The following PTP4A1 variants were observed in gnomAD, a reference collection of about 807,000 sequenced individuals.
PTP4A1 encodes protein tyrosine phosphatase type IVA 1.
In PTP4A1, 9 loss-of-function variants were observed where a neutral mutation model predicts 20.5. That is an observed-to-expected ratio of 0.44 (90% CI 0.26 to 0.77). The LOEUF (loss-of-function observed/expected upper bound fraction) is 0.77. Among genes scored for constraint, PTP4A1 ranks in the 30% least tolerant of loss-of-function variants. The pLI, the probability that PTP4A1 is intolerant of heterozygous loss-of-function variation, is 0.19. For synonymous variants in PTP4A1, 78 were observed against 67.4 expected (o/e 1.16, Z -0.77); for missense variants, 137 against 218.8 (o/e 0.63, Z 2.36).
intron 1 of PTP4A1, among the ~76,000 whole-genome samples, chr6:63,574,452 C>T (rs1257206128): frequency 6.6e-6 from 1 of 152,068 alleles, no homozygotes; most frequent in Non-Finnish European, 1.5e-5. Context: ...AGAAATCTAT[C>T]GGTGGCCACC....
At chr6:63,573,050 G>A (rs145384122) in intron 1 of PTP4A1, among the ~76,000 whole-genome samples, 9 of 152,202 alleles carry the variant, frequency 5.9e-5, no homozygotes, top group African/African-American at 2.2e-4. Flanking sequence ...CTTCCGCAGC[G>A]GGCCGGGTGG....
intron 5 of PTP4A1, among the ~76,000 whole-genome samples, chr6:63,579,682 C>T (rs1358266816): frequency 6.6e-6 from 1 of 152,178 alleles, no homozygotes; most frequent in Admixed American, 6.5e-5. Context: ...AATTAACCAT[C>T]CAATACAACA....
intron 3 of PTP4A1, chr6:63,550,594 T>C (rs1776393721): frequency 6.6e-6 from 1 of 152,288 alleles, no homozygotes; most frequent in Admixed American, 6.6e-5. Context: ...TTTTAACATT[T>C]CTATAGTGAT....
intron 2 of PTP4A1, among the ~76,000 whole-genome samples, chr6:63,532,736 A>G (rs1775524687): frequency 6.6e-6 from 1 of 152,198 alleles, no homozygotes; most frequent in African/African-American, 2.4e-5. Context: ...TTTTATTGTT[A>G]CAAATTTTCC....
chr6:63,531,243 A>G (rs1305892280), intron 2 of PTP4A1, among the ~76,000 whole-genome samples: 1 of 152,132 alleles, frequency 6.6e-6, no homozygotes, highest in Admixed American at 6.5e-5. Context: ...CTCTAAACTA[A>G]TCACAGACTA....
chr6:63,532,449 G>A (rs1775513487), intron 2 of PTP4A1, among the ~76,000 whole-genome samples: 1 of 152,084 alleles, frequency 6.6e-6, no homozygotes, highest in Admixed American at 6.6e-5. Flanking sequence ...TACATCCTAT[G>A]TATGGGTCAG....
chr6:63,534,730 C>T (rs565616787), intron 2 of PTP4A1, among the ~76,000 whole-genome samples: 4 of 141,510 alleles, frequency 2.8e-5, no homozygotes, highest in Non-Finnish European at 6.2e-5. Flanking sequence ...GGTGGATCAC[C>T]TGAGGTCAGG....
At position 63,576,967 on chromosome 6, in the gene PTP4A1, C is replaced by G. The variant is rs778059234; in HGVS notation, c.87C>G (p.Thr29=). The G allele has an allele frequency of 6.2e-7, 1 of 1,612,260 alleles. No homozygotes were observed. The highest frequency in any genetic ancestry group is 8.5e-7 in the Non-Finnish European group (1 of 1,178,432). Residue 29 remains threonine (T), a synonymous_variant, in exon 2 of 6, where the codon ACC becomes ACG. Transcript: ENST00000626021. The stretch of plus-strand genomic sequence containing the variant: ...TTACACACAATCCAACCAATGCGAC[C>G]TTAAACAAATTTATAGAGGTAAGAT... ...FLITHNPTNA[T]LNKFIEELKK... is the part of the protein sequence containing the mutation.
intron 2 of PTP4A1, among the ~76,000 whole-genome samples, chr6:63,550,032 CTA>C (rs369243305): frequency 3.3e-5 from 5 of 152,204 alleles, no homozygotes; most frequent in Non-Finnish European, 5.9e-5. Flanking sequence ...TAATTAATCA[CTA>C]TATGTTATAC....
intron 1 of PTP4A1, among the ~76,000 whole-genome samples, chr6:63,522,265 T>C (rs1422808887): frequency 6.6e-6 from 1 of 152,232 alleles, no homozygotes; most frequent in African/African-American, 2.4e-5. Flanking sequence ...TTCTGTTACT[T>C]ATTTGAATTT....
At chr6:63,521,718 T>C (rs1774932732), upstream of PTP4A1, 1 of 152,176 alleles carries the variant, frequency 6.6e-6, no homozygotes, top group Admixed American at 6.6e-5. Flanking sequence ...ACAGATAGAC[T>C]TAAGCTCCTG....
Position 63,580,295 on chromosome 6 carries a change from A to C in PTP4A1, c.*121A>C. The C allele has an allele frequency of 5.1e-6, 4 of 783,342 alleles. No homozygotes were observed. The East Asian group carries it at 9.9e-5, about 19-fold the overall frequency. The allele number at this position is 783,342 out of a possible 1,614,324, so 48.5% of individuals were successfully genotyped here. ...AGCTTCCATAGGAGTATTGAAAGGC[A>C]GTTTTACCAGGCCTCAAGCTAGACA... On this transcript the variant is annotated 3_prime_UTR_variant, in exon 6 of 6. Transcript: ENST00000626021.
intron 1 of PTP4A1, among the ~76,000 whole-genome samples, chr6:63,574,910 CA>C (rs1275127275): frequency 6.6e-6 from 1 of 152,076 alleles, no homozygotes; most frequent in African/African-American, 2.4e-5. Flanking sequence ...TTTTTTAACC[CA>C]GCTGACCAAC....
intron 2 of PTP4A1, chr6:63,548,683 G>T: frequency 2.0e-6 from 1 of 503,456 alleles, no homozygotes; most frequent in Non-Finnish European, 3.6e-6. Context: ...TTATTTTTAT[G>T]TACAGAAAAC....
chr6:63,566,094 A>C (rs1198872282), intron 3 of PTP4A1, among the ~76,000 whole-genome samples: 2 of 152,246 alleles, frequency 1.3e-5, no homozygotes, highest in East Asian at 3.8e-4. Context: ...AAAAATGTAC[A>C]TACCTGTTTT....
rs1455805203 is a variant in PTP4A1 at position 63,581,887 on chromosome 6, T to C, written c.*1713T>C. Reference sequence around the variant, plus strand: ...ATGAAGGCTTAATGTTAAGTTTCCTTTAATGATCCACAATAATCCCTTTGA... The same window carrying C: ...ATGAAGGCTTAATGTTAAGTTTCCTCTAATGATCCACAATAATCCCTTTGA... On this transcript the variant is annotated 3_prime_UTR_variant, in exon 6 of 6. Transcript: ENST00000626021. 1 of 152,200 alleles carries C rather than the reference T, an allele frequency of 6.6e-6. No individual in the cohort carries two copies. Among genetic ancestry groups the C allele is most frequent in the Non-Finnish European group, 1.5e-5 (1 of 68,012 alleles). The allele number at this position is 152,200 out of a possible 1,614,324, so 9.4% of individuals were successfully genotyped here.
rs549280106 is a variant in PTP4A1, at chr6:63,576,164, A to G, written c.-445-272A>G. Among the ~76,000 whole-genome samples, 31 of 151,276 alleles carry G rather than the reference A, an allele frequency of 2.0e-4. No individual in the cohort carries two copies. In the East Asian group the frequency reaches 5.2e-3, roughly 26 times the overall value. ...ATATGAATATATATATGAATTTCAC[A>G]AAAATGTAACAATGGGTTTGGTTTT... On this transcript the variant is annotated intron_variant, in intron 1 of 5. Coordinates refer to ENST00000626021, the MANE Select transcript of PTP4A1 (RefSeq NM_003463.5).
At chr6:63,578,108 GGTTAAT>G (rs766693119) in intron 2 of PTP4A1, among the ~76,000 whole-genome samples, 3 of 151,896 alleles carry the variant, frequency 2.0e-5, no homozygotes, top group Non-Finnish European at 4.4e-5. Flanking sequence ...AGCCCCTTTT[GGTTAAT>G]GTTTCATCCC....
chr6:63,563,735 A>G (rs1267101496), intron 3 of PTP4A1, among the ~76,000 whole-genome samples: 1 of 152,172 alleles, frequency 6.6e-6, no homozygotes, highest in Non-Finnish European at 1.5e-5. Flanking sequence ...AGCCACAGCT[A>G]TGGATGTAGG....
Sources: gnomAD v4.1 joint callset for allele counts (sites outside exome capture counted in the v4.1 genomes callset) on GRCh38, gnomAD v4.1.1 for gene constraint, MANE v1.5 for transcripts, NCBI Gene and HGNC (gene_info 2026-07-23, HGNC 2026-07-21) for gene names.